PTPRJ: variants seen among roughly 807,000 people sequenced by gnomAD.
PTPRJ encodes the protein receptor-type tyrosine-protein phosphatase eta.
PTPRJ carries 129 observed loss-of-function variants against 141.3 expected under a neutral mutation model. That is an observed-to-expected ratio of 0.91 (90% confidence interval 0.79 to 1.06). The LOEUF is 1.06. PTPRJ is among the 50% of genes least tolerant of loss of function. The pLI is 0.00. For synonymous variants in PTPRJ, 610 were observed against 640.5 expected (o/e 0.95, Z 0.72); for missense variants, 1,601 against 1,679.7 (o/e 0.95, Z 0.82).
At chr11:48,029,353 A>G (rs1000352210) in intron 1 of PTPRJ, among the ~76,000 whole-genome samples, 4 of 152,260 alleles carry the variant, frequency 2.6e-5, no homozygotes, top group African/African-American at 9.6e-5. Flanking sequence ...AAGGTAATGC[A>G]TTTACATGTT....
intron 19 of PTPRJ, among the ~76,000 whole-genome samples, chr11:48,155,341 A>G (rs1857575533): frequency 6.6e-6 from 1 of 152,208 alleles, no homozygotes; most frequent in Non-Finnish European, 1.5e-5. Flanking sequence ...CACCAGATAT[A>G]TGAACTTGGA....
chr11:48,150,110 G>A lies in PTPRJ; in HGVS notation c.3065G>A (p.Arg1022Lys). 6.2e-7 allele frequency: 1 copy of A among 1,613,948 alleles called. No individual in the cohort carries two copies. Among genetic ancestry groups the A allele is most frequent in the Non-Finnish European group, 8.5e-7 (1 of 1,179,888 alleles). The stretch of plus-strand genomic sequence containing the variant: ...TGTTTTCTTAGATCTAAGTTAATCA[G>A]AGTGGAGAATTTTGAGGCCTACTTC... ...QIKPKKSKLI[R>K]VENFEAYFKK... Residue 1022 changes from arginine to lysine, a missense_variant, in exon 18 of 25, where the codon AGA becomes AAA. By Grantham distance (26) the Arg-to-Lys change is conservative. Transcript: ENST00000418331.
chr11:48,127,214 A>C (rs1314969411), intron 6 of PTPRJ, among the ~76,000 whole-genome samples: 1 of 152,148 alleles, frequency 6.6e-6, no homozygotes, highest in Non-Finnish European at 1.5e-5. Flanking sequence ...AGGGCAGTGG[A>C]TATGTCGGGA....
chr11:48,051,440 T>G (rs962054470), intron 1 of PTPRJ, among the ~76,000 whole-genome samples: 2 of 152,066 alleles, frequency 1.3e-5, no homozygotes, highest in African/African-American at 4.8e-5. Context: ...ATCATGCTTT[T>G]CCCCCCACCC....
At chr11:48,094,640 T>C (rs932761833) in intron 1 of PTPRJ, among the ~76,000 whole-genome samples, 3 of 152,188 alleles carry the variant, frequency 2.0e-5, no homozygotes, top group African/African-American at 7.2e-5. Flanking sequence ...CTGATCTCTA[T>C]TGGGATGTGT....
At chr11:48,005,081 GCA>G (rs1367660469) in intron 1 of PTPRJ, among the ~76,000 whole-genome samples, 4 of 148,832 alleles carry the variant, frequency 2.7e-5, no homozygotes, top group African/African-American at 1.0e-4. Flanking sequence ...AATTAGCCAG[GCA>G]TGGTGGTGGG....
intron 15 of PTPRJ, among the ~76,000 whole-genome samples, chr11:48,148,998 A>G (rs1372945455): frequency 6.6e-6 from 1 of 152,200 alleles, no homozygotes; most frequent in African/African-American, 2.4e-5. Context: ...TTAAATACCA[A>G]TGCAGAGTTG....
chr11:48,000,315 A>T (rs1174345432), intron 1 of PTPRJ, among the ~76,000 whole-genome samples: 13 of 144,430 alleles, frequency 9.0e-5, no homozygotes, highest in African/African-American at 1.8e-4. Context: ...TAATTTTAAA[A>T]TTTTTTTTTT....
At chr11:48,131,051 C>CACACATAT (rs1286082298) in intron 8 of PTPRJ, among the ~76,000 whole-genome samples, 12 of 112,094 alleles carry the variant, frequency 1.1e-4, no homozygotes, top group African/African-American at 4.8e-4. Flanking sequence ...CACACACACA[C>CACACATAT]ATATATATAT....
At chr11:48,133,763 ACTATTCAG>A (rs754041899) in intron 8 of PTPRJ, among the ~76,000 whole-genome samples, 2 of 152,210 alleles carry the variant, frequency 1.3e-5, no homozygotes, top group African/African-American at 4.8e-5. Flanking sequence ...ACAACAAAAT[ACTATTCAG>A]CCATAAGAAA....
rs536596432 is a variant in PTPRJ, at chr11:48,158,414, T to C, written c.3439-1516T>C. On this transcript the variant is annotated intron_variant, in intron 21 of 24. Coordinates refer to ENST00000418331, the MANE Select transcript of PTPRJ (RefSeq NM_002843.4). The surrounding 1 kb of genome is among the most constrained non-coding windows in gnomAD (Gnocchi z 4.4). ...TAGATTCTCCATATATGTTATTTTT[T>C]TTCTGTAACAACCCTGTGAGGTATT... is the stretch of plus-strand genomic sequence containing the variant. 7.2e-5 allele frequency among the ~76,000 whole-genome samples: 11 copies of C among 152,258 alleles called. No homozygotes were observed. Among genetic ancestry groups the C allele is most frequent in the Non-Finnish European group, 1.3e-4 (9 of 68,026 alleles).
At chr11:48,151,720 C>T (rs982054598) in intron 18 of PTPRJ, among the ~76,000 whole-genome samples, 31 of 151,320 alleles carry the variant, frequency 2.0e-4, no homozygotes, top group African/African-American at 6.3e-4. Flanking sequence ...TCCTTGCGAT[C>T]GTTTGCTGAG....
intron 1 of PTPRJ, among the ~76,000 whole-genome samples, chr11:48,061,003 T>C (rs1431009636): frequency 6.6e-6 from 1 of 152,156 alleles, no homozygotes; most frequent in African/African-American, 2.4e-5. Flanking sequence ...TCTTCTCCTT[T>C]CTTTCTTTTT....
intron 1 of PTPRJ, among the ~76,000 whole-genome samples, chr11:48,039,933 C>T (rs1311946576): frequency 7.9e-5 from 12 of 152,088 alleles, no homozygotes; most frequent in Non-Finnish European, 4.4e-5. Context: ...GGAATACAGG[C>T]GCACACCACC....
intron 1 of PTPRJ, among the ~76,000 whole-genome samples, chr11:48,004,687 C>T (rs1012714837): frequency 2.0e-5 from 3 of 152,086 alleles, no homozygotes; most frequent in African/African-American, 7.2e-5. Context: ...ATTTGGGGTA[C>T]AGTGAGAGGT....
intron 5 of PTPRJ, 79 bp downstream of exon 5, chr11:48,123,949 T>C: frequency 6.9e-7 from 1 of 1,451,196 alleles, no homozygotes. Flanking sequence ...AATAAATTGC[T>C]CTTCCATGTG....
chr11:48,054,404 T>C (rs1231947165), intron 1 of PTPRJ, among the ~76,000 whole-genome samples: 2 of 152,224 alleles, frequency 1.3e-5, no homozygotes, highest in Non-Finnish European at 2.9e-5. Flanking sequence ...ATCTTGTCTA[T>C]GTTTGTAAGA....
chr11:48,022,329 T>C (rs1855148541), intron 1 of PTPRJ, among the ~76,000 whole-genome samples: 1 of 151,944 alleles, frequency 6.6e-6, no homozygotes, highest in East Asian at 1.9e-4. Flanking sequence ...CCAGGCCTGG[T>C]GGTGCATGCC....
At chr11:48,156,657 G>A (rs893520262) in intron 21 of PTPRJ, among the ~76,000 whole-genome samples, 8 of 146,284 alleles carry the variant, frequency 5.5e-5, no homozygotes, top group Non-Finnish European at 1.0e-4. Context: ...GCAGTGGTGC[G>A]ATCATGGCTC....
Sources: allele counts gnomAD v4.1 joint callset (sites outside exome capture counted in the v4.1 genomes callset), GRCh38; gene constraint gnomAD v4.1.1; non-coding constraint Gnocchi (gnomAD v3.1); transcripts MANE v1.5; gene names NCBI Gene and HGNC (gene_info 2026-07-23, HGNC 2026-07-21).